NRDE2: variants seen among roughly 807,000 people sequenced by gnomAD.
NRDE2 encodes the protein nuclear exosome regulator NRDE2.
In NRDE2, 76 loss-of-function variants were observed where a neutral mutation model predicts 124.2. That is an observed-to-expected ratio of 0.61 (90% CI 0.51 to 0.74). NRDE2 has a LOEUF of 0.74. NRDE2 is among the 30% of genes least tolerant of loss of function. The pLI, the probability that NRDE2 is intolerant of heterozygous loss-of-function variation, is 0.00. For synonymous variants in NRDE2, 489 were observed against 528.1 expected (o/e 0.93, Z 1.01); for missense variants, 1,314 against 1,417.3 (o/e 0.93, Z 1.17).
In NRDE2 at chr14:90,286,399, A is replaced by C. The variant is rs779179256; in HGVS notation, c.3252T>G (p.Ser1084Arg). 1 of 1,614,206 alleles carries C rather than the reference A, an allele frequency of 6.2e-7. No individual in the cohort carries two copies. Residue 1084 changes from serine (S) to arginine (R), a missense_variant, in exon 12 of 14, where the codon AGT becomes AGG. By Grantham distance (110) the Ser-to-Arg change is moderately radical. Transcript: ENST00000354366. ...TCCACAGCAAGGGGCACTGGCTGCCACTGTCGCTGCGCATGGCATTTTCAA... is the reference window on the plus strand; with the variant it reads ...TCCACAGCAAGGGGCACTGGCTGCCCCTGTCGCTGCGCATGGCATTTTCAA... ...ALFENAMRSDSGSQCPLLWRM... is the reference protein window; with the variant it reads ...ALFENAMRSDRGSQCPLLWRM...
At position 90,316,656 on chromosome 14, in the gene NRDE2, GAC is replaced by G. The variant is rs771843494; in HGVS notation, c.327_328del (p.Arg109SerfsTer2). 22 of 1,614,144 alleles carry G rather than the reference GAC, an allele frequency of 1.4e-5. No individual in the cohort carries two copies. Among genetic ancestry groups the G allele is most frequent in the Middle Eastern group, 1.6e-4 (1 of 6,062 alleles). ...CTTTTCAGAATCGGTGTCTGTCTCA[GAC>G]CTGCTGCTACTCGACGGCCCATGCT... On this transcript the variant is annotated frameshift_variant, in exon 3 of 14. Coordinates refer to ENST00000354366, the MANE Select transcript of NRDE2 (RefSeq NM_017970.4). LOFTEE classifies it high-confidence loss of function.
intron 1 of NRDE2, among the ~76,000 whole-genome samples, chr14:90,330,453 C>T (rs1885644646): frequency 6.6e-6 from 1 of 152,104 alleles, no homozygotes; most frequent in Non-Finnish European, 1.5e-5. Flanking sequence ...AAACACTGCC[C>T]AACCTGATAG....
Position 90,289,100 on chromosome 14 carries a change from G to C in NRDE2, c.2275C>G (p.Gln759Glu). The C allele has an allele frequency of 1.2e-6, 2 of 1,613,020 alleles. No individual in the cohort carries two copies. Among genetic ancestry groups the C allele is most frequent in the Non-Finnish European group, 1.7e-6 (2 of 1,179,324 alleles). The change falls in exon 11 of 14, where the codon CAA (glutamine) becomes GAA (glutamate). Residue 759 changes from glutamine to glutamate, a missense_variant. Coordinates refer to ENST00000354366, the MANE Select transcript of NRDE2 (RefSeq NM_017970.4). ...HTKNKKRLKS[Q>E]GKNCKKLAKN... ...GCTAGTTTTTTGCAGTTCTTCCCTT[G>C]AGACTTTAATCTCTTCTTGTTTTTA...
chr14:90,330,401 T>C (rs577648639), intron 1 of NRDE2, among the ~76,000 whole-genome samples: 1 of 152,182 alleles, frequency 6.6e-6, no homozygotes, highest in African/African-American at 2.4e-5. Flanking sequence ...CTATTATACT[T>C]TGGACCTGTG....
intron 4 of NRDE2, among the ~76,000 whole-genome samples, chr14:90,308,622 C>T (rs770799030): frequency 6.6e-5 from 10 of 152,190 alleles, no homozygotes; most frequent in African/African-American, 2.2e-4. Context: ...CAAATCCTAA[C>T]CGTTCACCTT....
intron 7 of NRDE2, among the ~76,000 whole-genome samples, chr14:90,298,890 C>A (rs369006643): frequency 1.3e-5 from 2 of 152,274 alleles, no homozygotes; most frequent in African/African-American, 4.8e-5. Flanking sequence ...AAGGTTCCAA[C>A]AAGACAGACC....
chr14:90,313,084 A>C (rs1375576126), intron 3 of NRDE2, among the ~76,000 whole-genome samples: 2 of 150,624 alleles, frequency 1.3e-5, no homozygotes, highest in African/African-American at 4.9e-5. Flanking sequence ...TGAACTGCTC[A>C]GCCTCCAACA....
At chr14:90,331,387 T>C (rs1885691074) in intron 1 of NRDE2, among the ~76,000 whole-genome samples, 1 of 152,242 alleles carries the variant, frequency 6.6e-6, no homozygotes, top group Non-Finnish European at 1.5e-5. Context: ...TTTTGGATAC[T>C]AATCCCCTAG....
rs572537216 is a variant in NRDE2, at chr14:90,286,613, A to G, written c.3159-121T>C. On this transcript the variant is annotated intron_variant, in intron 11 of 13. Coordinates refer to ENST00000354366, the MANE Select transcript of NRDE2 (RefSeq NM_017970.4). ...ACCAGATCAGACAGACTCAGGGGAGAACTGTCCCTCAGGCGTAGAGCGCTG... is the reference window on the plus strand; with the variant it reads ...ACCAGATCAGACAGACTCAGGGGAGGACTGTCCCTCAGGCGTAGAGCGCTG... 6.3e-4 allele frequency: 802 copies of G among 1,281,572 alleles called. 1 individual carries two copies. The highest frequency in any genetic ancestry group is 8.9e-4 in the Admixed American group (35 of 39,440). 79.4% of individuals were successfully genotyped at this position (1,281,572 alleles called of 1,614,324 possible). A position where few individuals can be genotyped will look rare whatever the true frequency, so the allele number is the denominator to read the frequency against.
In NRDE2 at chr14:90,316,725, T is replaced by C. The variant is rs1220972316; in HGVS notation, c.260A>G (p.Lys87Arg). 2 of 1,613,716 alleles carry C rather than the reference T, an allele frequency of 1.2e-6. No homozygotes were observed. The change falls in exon 3 of 14, where the codon AAG becomes AGG. Residue 87 changes from lysine (K) to arginine (R), a missense_variant. Coordinates refer to ENST00000354366, the MANE Select transcript of NRDE2 (RefSeq NM_017970.4). ...ATGATGCTGATGCTTCCTTTTTTTC[T>C]TTTTCTCTTTCTTCTTTTTTCTACT... Reference protein sequence around the residue: ...QTSRKKKKEKKKKRKHQHHKK... With the variant: ...QTSRKKKKEKRKKRKHQHHKK...
rs1188543024 is a variant in NRDE2 at position 90,288,445 on chromosome 14, ACACT to A, written c.2926_2929del (p.Ser976PhefsTer15). ...CTCTCGCAGAGGGGCCAGCGGGTAAACACTCACTTTCATGTGGAATCTCAGCAGG... is the reference window on the plus strand; with the variant it reads ...CTCTCGCAGAGGGGCCAGCGGGTAAACACTTTCATGTGGAATCTCAGCAGG... On this transcript the variant is annotated frameshift_variant, in exon 11 of 14. Coordinates refer to ENST00000354366, the MANE Select transcript of NRDE2 (RefSeq NM_017970.4). LOFTEE classifies it high-confidence loss of function. 14 of 1,614,164 alleles carry A rather than the reference ACACT, an allele frequency of 8.7e-6. No individual in the cohort carries two copies. The highest frequency in any genetic ancestry group is 1.6e-4 in the Middle Eastern group (1 of 6,062).
intron 1 of NRDE2, among the ~76,000 whole-genome samples, chr14:90,325,413 T>G (rs779767467): frequency 1.3e-5 from 2 of 152,216 alleles, no homozygotes; most frequent in Non-Finnish European, 2.9e-5. Flanking sequence ...CACTCTCTGC[T>G]GCTCCTGACA....
intron 4 of NRDE2, among the ~76,000 whole-genome samples, chr14:90,306,095 G>C (rs1451798505): frequency 6.6e-6 from 1 of 152,116 alleles, no homozygotes; most frequent in Non-Finnish European, 1.5e-5. Flanking sequence ...TAGATGTAGG[G>C]GGCAGTTATA....
In NRDE2 at chr14:90,299,813, T is replaced by A. The variant is rs561807598; in HGVS notation, c.1545+1426A>T. 1.2e-4 allele frequency among the ~76,000 whole-genome samples: 18 copies of A among 152,166 alleles called. No homozygotes were observed. In the South Asian group the frequency reaches 1.5e-3, roughly 12 times the overall value. On this transcript the variant is annotated intron_variant, in intron 7 of 13. Transcript: ENST00000354366. ...AAGAAAGTTTACTTAAGAAAAAAAA[T>A]TTTTTTTAAATAGTGTGATAAATGA... is the stretch of plus-strand genomic sequence containing the variant.
In NRDE2 at chr14:90,270,038, C is replaced by A; in HGVS notation, c.*8298G>T. ...GAATTCAAATGTAGAAATCTACAAA[C>A]TACAAAAATATATGTTTACTTTTTA... On this transcript the variant is annotated 3_prime_UTR_variant, in exon 14 of 14. Transcript: ENST00000354366. 1 of 714,736 alleles carries A rather than the reference C, an allele frequency of 1.4e-6. No homozygotes were observed. Among genetic ancestry groups the A allele is most frequent in the Non-Finnish European group, 2.2e-6 (1 of 447,716 alleles). The allele number at this position is 714,736 out of a possible 1,614,324, so 44.3% of individuals were successfully genotyped here.
intron 3 of NRDE2, among the ~76,000 whole-genome samples, chr14:90,313,119 A>ATTT (rs1207268681): frequency 1.8e-3 from 185 of 102,232 alleles, no homozygotes; most frequent in East Asian, 2.0e-3. Context: ...TCTCAGCCTC[A>ATTT]TTTTTTTTTT....
At position 90,323,894 on chromosome 14, in the gene NRDE2, G is replaced by A. The variant is rs570809932; in HGVS notation, c.65-5781C>T. Among the ~76,000 whole-genome samples, 11 of 151,688 alleles carry A rather than the reference G, an allele frequency of 7.3e-5. No homozygotes were observed. The South Asian group carries it at 1.5e-3, about 20-fold the overall frequency. On this transcript the variant is annotated intron_variant, in intron 1 of 13. Coordinates refer to ENST00000354366, the MANE Select transcript of NRDE2 (RefSeq NM_017970.4). ...ATCTGAGTCTCTTTTTTTTTATTCCGTAATTTTTTACTGACAGCCAAGTAC... is the reference window on the plus strand; with the variant it reads ...ATCTGAGTCTCTTTTTTTTTATTCCATAATTTTTTACTGACAGCCAAGTAC...
intron 3 of NRDE2, among the ~76,000 whole-genome samples, chr14:90,313,940 C>T (rs1307707967): frequency 1.3e-5 from 2 of 152,098 alleles, no homozygotes; most frequent in East Asian, 1.9e-4. Context: ...AAAACCATAA[C>T]GGGCAATGAA....
At chr14:90,299,830 GATAA>G (rs1419191117) in intron 7 of NRDE2, among the ~76,000 whole-genome samples, 3 of 152,170 alleles carry the variant, frequency 2.0e-5, no homozygotes, top group Non-Finnish European at 1.5e-5. Flanking sequence ...TAAATAGTGT[GATAA>G]ATGAGTATAA....
Sources: allele counts gnomAD v4.1 joint callset (sites outside exome capture counted in the v4.1 genomes callset), GRCh38; gene constraint gnomAD v4.1.1; transcripts MANE v1.5; gene names NCBI Gene and HGNC (gene_info 2026-07-23, HGNC 2026-07-21).